The following ARHGAP31 variants were observed in gnomAD, a reference collection of about 807,000 sequenced individuals.
ARHGAP31 encodes Rho GTPase activating protein 31.
Under a neutral mutation model 113.9 loss-of-function variants are expected in ARHGAP31, and 34 were observed. The observed-to-expected ratio is 0.30, with a 90% CI of 0.23 to 0.40. ARHGAP31 has a LOEUF of 0.40. Among genes scored for constraint, ARHGAP31 ranks in the 10% least tolerant of loss-of-function variants. ARHGAP31 has a pLI of 1.00. For missense variants in ARHGAP31, 1,548 were observed against 1,767.1 expected, an observed-to-expected ratio of 0.88 and a Z score of 2.22; for synonymous variants, 650 against 684.8, an observed-to-expected ratio of 0.95 and a Z score of 0.79.
At chr3:119,367,597 G>A (rs1455074006) in intron 2 of ARHGAP31, among the ~76,000 whole-genome samples, 1 of 152,066 alleles carries the variant, frequency 6.6e-6, no homozygotes, top group Non-Finnish European at 1.5e-5. Flanking sequence ...GGTGGCTCAC[G>A]CCTGTAATCT....
intron 1 of ARHGAP31, among the ~76,000 whole-genome samples, chr3:119,321,787 T>C (rs2079789574): frequency 6.6e-6 from 1 of 152,176 alleles, no homozygotes. Flanking sequence ...TAGCTGGAAC[T>C]ATAGGCCCAC....
In ARHGAP31 at chr3:119,393,497, G is replaced by A. The variant is rs1335406104; in HGVS notation, c.912G>A (p.Trp304Ter). The A allele has an allele frequency of 6.2e-7, 1 of 1,614,032 alleles. No homozygotes were observed. The highest frequency in any genetic ancestry group is 8.5e-7 in the Non-Finnish European group (1 of 1,180,028). The change falls in exon 8 of 12, where the codon TGG becomes TGA. Residue 304 changes from tryptophan (W) to a stop codon, truncating the protein, a stop_gained. Coordinates refer to ENST00000264245, the MANE Select transcript of ARHGAP31 (RefSeq NM_020754.4). LOFTEE classifies it high-confidence loss of function. ...KRKLSSKSKK[W>*]KSIFNLGRSG... Reference sequence around the variant, plus strand: ...AGCTCTCCAGTAAATCAAAGAAGTGGAAATCAATATTTAACCTGGGACGTT... The same window carrying A: ...AGCTCTCCAGTAAATCAAAGAAGTGAAAATCAATATTTAACCTGGGACGTT...
intron 1 of ARHGAP31, among the ~76,000 whole-genome samples, chr3:119,307,234 C>A (rs998028714): frequency 2.0e-5 from 3 of 152,148 alleles, no homozygotes; most frequent in Non-Finnish European, 4.4e-5. Flanking sequence ...GTTTCTTCAT[C>A]TGTAAAGTGG....
Position 119,294,642 on chromosome 3 carries a change from CT to C in ARHGAP31, c.-262del. ...TAGGACTCCAAGTGAGGAAGTGACA[CT>C]CCCAGGCGAGCCGGCCCGCGGCTGC... On this transcript the variant is annotated 5_prime_UTR_variant, in exon 1 of 12. Transcript: ENST00000264245. 1 of 563,016 alleles carries C rather than the reference CT, an allele frequency of 1.8e-6. No homozygotes were observed. The highest frequency in any genetic ancestry group is 3.1e-6 in the Non-Finnish European group (1 of 323,698). 34.9% of individuals were successfully genotyped at this position (563,016 alleles called of 1,614,324 possible).
At chr3:119,295,813 G>A in intron 1 of ARHGAP31, among the ~76,000 whole-genome samples, 1 of 152,130 alleles carries the variant, frequency 6.6e-6, no homozygotes, top group East Asian at 1.9e-4. Flanking sequence ...ATTTGTTGGG[G>A]AAGGGGGAAA....
rs910096524 is a variant in ARHGAP31 at position 119,294,588 on chromosome 3, A to G, written c.-317A>G. 1 of 517,444 alleles carries G rather than the reference A, an allele frequency of 1.9e-6. No homozygotes were observed. The highest frequency in any genetic ancestry group is 2.0e-5 in the African/African-American group (1 of 49,122). The allele number at this position is 517,444 out of a possible 1,614,324, so 32.1% of individuals were successfully genotyped here. On this transcript the variant is annotated 5_prime_UTR_variant, in exon 1 of 12. Transcript: ENST00000264245. ...CTCTTAAGCTGAGGAGAAACACCCG[A>G]AGACACCGCAGGAGCCTGTGAAAGT...
intron 1 of ARHGAP31, chr3:119,341,828 T>A (rs2080010722): frequency 6.6e-6 from 1 of 152,106 alleles, no homozygotes. Context: ...CTCACTTTTT[T>A]TTTTTTTTAA....
chr3:119,349,968 TA>T (rs2080096920), intron 1 of ARHGAP31, among the ~76,000 whole-genome samples: 1 of 152,226 alleles, frequency 6.6e-6, no homozygotes, highest in Non-Finnish European at 1.5e-5. Flanking sequence ...TGGATAATCT[TA>T]AAGCATGAAC....
chr3:119,323,741 C>T (rs553977401), intron 1 of ARHGAP31, among the ~76,000 whole-genome samples: 196 of 152,248 alleles, frequency 1.3e-3, no homozygotes, highest in African/African-American at 4.5e-3. Context: ...GGCAAGTCCT[C>T]GGAGCCTTAG....
At position 119,414,465 on chromosome 3, in the gene ARHGAP31, A is replaced by G. The variant is rs2080753018; in HGVS notation, c.2536A>G (p.Lys846Glu). ...GEEATPRHSD[K>E]QNSKNAASEG... ...GGAGGCAACCCCAAGACACAGTGAC[A>G]AGCAAAATTCAAAGAATGCTGCTTC... The change falls in exon 12 of 12, where the codon AAG becomes GAG. Residue 846 changes from lysine (K) to glutamate (E), a missense_variant. Lys to Glu is a moderately conservative substitution (Grantham distance 56, BLOSUM62 1). Transcript: ENST00000264245. The G allele has an allele frequency of 2.5e-6, 4 of 1,614,232 alleles. No individual in the cohort carries two copies. In the South Asian group the frequency reaches 3.3e-5, roughly 13 times the overall value.
intron 3 of ARHGAP31, among the ~76,000 whole-genome samples, chr3:119,374,241 G>A (rs773760537): frequency 2.0e-5 from 3 of 152,126 alleles, no homozygotes; most frequent in Non-Finnish European, 4.4e-5. Flanking sequence ...TCCACTTGGA[G>A]ATGAATGAGT....
intron 1 of ARHGAP31, among the ~76,000 whole-genome samples, chr3:119,319,726 C>G (rs1049376835): frequency 1.3e-5 from 2 of 152,222 alleles, no homozygotes; most frequent in Non-Finnish European, 2.9e-5. Flanking sequence ...TCCCTATAAT[C>G]TATTCCAGTG....
chr3:119,365,093 C>G lies in ARHGAP31; in HGVS notation c.101-223C>G, dbSNP rs558023702. Among the ~76,000 whole-genome samples the G allele has an allele frequency of 8.6e-5, 13 of 151,832 alleles. No homozygotes were observed. The South Asian group carries it at 2.7e-3, about 32-fold the overall frequency. On this transcript the variant is annotated intron_variant, in intron 1 of 11. Transcript: ENST00000264245. ...TGGGCAACAGAGCAAGTCTCAAAAG[C>G]AAAACAAAACAAAAAAACAATTCTT...
intron 1 of ARHGAP31, among the ~76,000 whole-genome samples, chr3:119,318,651 T>C (rs2079755159): frequency 6.6e-6 from 1 of 152,176 alleles, no homozygotes; most frequent in South Asian, 2.1e-4. Context: ...CTAATATACT[T>C]ACTTACTTTA....
chr3:119,355,739 G>T lies in ARHGAP31; in HGVS notation c.101-9577G>T, dbSNP rs137942514. Among the ~76,000 whole-genome samples, 16 of 152,186 alleles carry T rather than the reference G, an allele frequency of 1.1e-4. No homozygotes were observed. In the East Asian group the frequency reaches 2.9e-3, roughly 28 times the overall value. On this transcript the variant is annotated intron_variant, in intron 1 of 11. Coordinates refer to ENST00000264245, the MANE Select transcript of ARHGAP31 (RefSeq NM_020754.4). The stretch of plus-strand genomic sequence containing the variant: ...CTATGAATGAGAACATGTGGTGTTT[G>T]GTTTTCTGTCTTTGCGATAGTTTGC...
At chr3:119,375,546 G>T (rs2080339464) in intron 3 of ARHGAP31, among the ~76,000 whole-genome samples, 1 of 152,110 alleles carries the variant, frequency 6.6e-6, no homozygotes. Flanking sequence ...TTCCAAATAA[G>T]GTAACACAGG....
chr3:119,337,088 G>A (rs1248259312), intron 1 of ARHGAP31, among the ~76,000 whole-genome samples: 2 of 152,170 alleles, frequency 1.3e-5, no homozygotes, highest in Non-Finnish European at 1.5e-5. Context: ...CTTTTTGGCT[G>A]TTGTGAATAA....
At chr3:119,356,037 C>T (rs1351117181) in intron 1 of ARHGAP31, among the ~76,000 whole-genome samples, 1 of 152,184 alleles carries the variant, frequency 6.6e-6, no homozygotes, top group Admixed American at 6.5e-5. Context: ...CAGAAACAAG[C>T]AACACCTCAC....
At chr3:119,408,219 G>T (rs953445420) in intron 10 of ARHGAP31, among the ~76,000 whole-genome samples, 1 of 152,152 alleles carries the variant, frequency 6.6e-6, no homozygotes, top group African/African-American at 2.4e-5. Flanking sequence ...TCGCCCCATG[G>T]ATACCAAGGA....
Sources: gnomAD v4.1 joint callset for allele counts (sites outside exome capture counted in the v4.1 genomes callset) on GRCh38, gnomAD v4.1.1 for gene constraint, MANE v1.5 for transcripts, NCBI Gene and HGNC (gene_info 2026-07-23, HGNC 2026-07-21) for gene names.